IPMK: variants seen among roughly 807,000 people sequenced by gnomAD.
IPMK encodes the protein inositol polyphosphate multikinase, also known as inositol 1,3,4,6-tetrakisphosphate 5-kinase.
Under a neutral mutation model 45.8 loss-of-function variants are expected in IPMK, and 17 were observed. The ratio of observed to expected loss-of-function variants is 0.37; its 90% confidence interval spans 0.25 to 0.56. IPMK has a LOEUF of 0.56. IPMK is among the 20% of genes least tolerant of loss of function. IPMK has a pLI of 0.79. For synonymous variants in IPMK, 180 were observed against 184.3 expected (o/e 0.98, Z 0.19); for missense variants, 399 against 498.0 (o/e 0.80, Z 1.89).
At chr10:58,258,582 C>T (rs1588973663) in intron 1 of IPMK, among the ~76,000 whole-genome samples, 1 of 152,086 alleles carries the variant, frequency 6.6e-6, no homozygotes, top group East Asian at 1.9e-4. Flanking sequence ...TAGGAAAATA[C>T]CAAATAGTCG....
At chr10:58,250,932 T>A (rs1307502979) in intron 1 of IPMK, among the ~76,000 whole-genome samples, 1 of 152,212 alleles carries the variant, frequency 6.6e-6, no homozygotes, top group Non-Finnish European at 1.5e-5. Context: ...TTGAAATAAT[T>A]ATACAGTCTC....
intron 2 of IPMK, among the ~76,000 whole-genome samples, chr10:58,235,112 A>G (rs1180365128): frequency 1.3e-5 from 2 of 152,328 alleles, no homozygotes; most frequent in East Asian, 3.9e-4. Context: ...CAAAACCACA[A>G]TGAGATACCA....
intron 2 of IPMK, among the ~76,000 whole-genome samples, chr10:58,229,132 A>G (rs914115185): frequency 2.0e-4 from 31 of 152,228 alleles, no homozygotes; most frequent in African/African-American, 7.0e-4. Flanking sequence ...CTGGCAGCTA[A>G]GCTTACAGAG....
At chr10:58,212,730 T>A in intron 4 of IPMK, 2 of 241,722 alleles carry the variant, frequency 8.3e-6, no homozygotes. Flanking sequence ...GTTCTTCAAG[T>A]TTGCCTTTGA....
At chr10:58,224,246 T>C (rs143617688) in intron 3 of IPMK, among the ~76,000 whole-genome samples, 12 of 152,250 alleles carry the variant, frequency 7.9e-5, no homozygotes, top group African/African-American at 1.4e-4. Flanking sequence ...AGACTAGAGA[T>C]TACATTTTGA....
rs1837852247 is a variant in IPMK, at chr10:58,193,874, A to T, written c.*2202T>A. On this transcript the variant is annotated 3_prime_UTR_variant, in exon 6 of 6. Coordinates refer to ENST00000373935, the MANE Select transcript of IPMK (RefSeq NM_152230.5). ...ATGTAGATTAGATAAACAGATACTT[A>T]TTCTGTTATACCTAAGCCTACTTAT... 1 of 151,874 alleles carries T rather than the reference A, an allele frequency of 6.6e-6. No homozygotes were observed. Among genetic ancestry groups the T allele is most frequent in the Non-Finnish European group, 1.5e-5 (1 of 67,746 alleles). 9.4% of individuals were successfully genotyped at this position (151,874 alleles called of 1,614,324 possible). A position where few individuals can be genotyped will look rare whatever the true frequency, so the allele number is the denominator to read the frequency against.
Position 58,267,675 on chromosome 10 carries a change from G to A in IPMK, c.-64C>T, listed in dbSNP as rs1839173790. 5.8e-6 allele frequency: 6 copies of A among 1,027,144 alleles called. No individual in the cohort carries two copies. The highest frequency in any genetic ancestry group is 8.9e-6 in the Non-Finnish European group (6 of 676,802). The allele number at this position is 1,027,144 out of a possible 1,614,324, so 63.6% of individuals were successfully genotyped here. A position where few individuals can be genotyped will look rare whatever the true frequency, so the allele number is the denominator to read the frequency against. On this transcript the variant is annotated 5_prime_UTR_variant, in exon 1 of 6. Coordinates refer to ENST00000373935, the MANE Select transcript of IPMK (RefSeq NM_152230.5). ...AAAAAAATAGGGCGAGGGAGGGGGC[G>A]CCGGAGAACCCGAGGGTCGCTCAGG...
At chr10:58,238,082 A>G (rs1289882542) in intron 1 of IPMK, among the ~76,000 whole-genome samples, 3 of 152,344 alleles carry the variant, frequency 2.0e-5, no homozygotes, top group Non-Finnish European at 2.9e-5. Context: ...TACATAAAAC[A>G]TATGTGTCAA....
At chr10:58,239,459 C>T (rs72795671) in intron 1 of IPMK, among the ~76,000 whole-genome samples, 10,143 of 152,132 alleles carry the variant, frequency 0.067, 416 homozygotes, top group Non-Finnish European at 0.089. Context: ...TGACAGCTTC[C>T]CTGCCTTGGG....
At chr10:58,210,083 T>G (rs1222089234) in intron 4 of IPMK, among the ~76,000 whole-genome samples, 2 of 151,918 alleles carry the variant, frequency 1.3e-5, no homozygotes, top group Non-Finnish European at 2.9e-5. Context: ...GCTCAGACTC[T>G]CCTTGGGTGG....
At chr10:58,255,457 T>G (rs987865998) in intron 1 of IPMK, among the ~76,000 whole-genome samples, 1 of 152,146 alleles carries the variant, frequency 6.6e-6, no homozygotes, top group Non-Finnish European at 1.5e-5. Context: ...ATGATTTCTC[T>G]TATCAGTCAA....
At chr10:58,256,027 C>T (rs1299431854) in intron 1 of IPMK, among the ~76,000 whole-genome samples, 1 of 152,096 alleles carries the variant, frequency 6.6e-6, no homozygotes, top group African/African-American at 2.4e-5. Context: ...ATTTATGTCA[C>T]CTCAGGACCC....
chr10:58,256,173 C>T (rs184684074), intron 1 of IPMK, among the ~76,000 whole-genome samples: 3 of 152,240 alleles, frequency 2.0e-5, no homozygotes, highest in South Asian at 2.1e-4. Context: ...TGACTGCCTG[C>T]GGGGCCAGGC....
intron 4 of IPMK, among the ~76,000 whole-genome samples, chr10:58,214,228 CT>C (rs1295585718): frequency 1.3e-5 from 2 of 152,190 alleles, no homozygotes; most frequent in African/African-American, 4.8e-5. Flanking sequence ...TACAGAGGAA[CT>C]GTCCTTAGAT....
intron 1 of IPMK, among the ~76,000 whole-genome samples, chr10:58,254,849 A>T (rs2132176685): frequency 6.6e-6 from 1 of 152,316 alleles, no homozygotes; most frequent in East Asian, 1.9e-4. Context: ...ACTTATAGTG[A>T]ACATTGAAGC....
At chr10:58,202,059 T>C (rs1396358336) in intron 4 of IPMK, among the ~76,000 whole-genome samples, 1 of 152,216 alleles carries the variant, frequency 6.6e-6, no homozygotes, top group African/African-American at 2.4e-5. Context: ...CAGAAGTTTA[T>C]GGAAAGACGT....
intron 4 of IPMK, among the ~76,000 whole-genome samples, chr10:58,212,367 G>A (rs995698195): frequency 4.6e-5 from 7 of 152,066 alleles, no homozygotes; most frequent in Admixed American, 1.3e-4. Flanking sequence ...TACATGACAC[G>A]TTTTTCTTAA....
intron 3 of IPMK, among the ~76,000 whole-genome samples, chr10:58,221,823 A>G (rs1164043582): frequency 6.6e-6 from 1 of 151,874 alleles, no homozygotes; most frequent in Non-Finnish European, 1.5e-5. Flanking sequence ...ATCTTGGCTC[A>G]CTGCAACCTC....
chr10:58,255,971 A>G (rs553244289), intron 1 of IPMK, among the ~76,000 whole-genome samples: 1 of 152,334 alleles, frequency 6.6e-6, no homozygotes, highest in East Asian at 1.9e-4. Flanking sequence ...ATAATTTCCT[A>G]TGCCTGTCTT....
Sources: allele counts gnomAD v4.1 joint callset (sites outside exome capture counted in the v4.1 genomes callset), GRCh38; gene constraint gnomAD v4.1.1; transcripts MANE v1.5; gene names NCBI Gene and HGNC (gene_info 2026-07-23, HGNC 2026-07-21).